The following ACAA2 variants were observed in gnomAD, a reference collection of about 807,000 sequenced individuals.
ACAA2 encodes the protein acetyl-CoA acyltransferase 2.
ACAA2 carries 35 observed loss-of-function variants against 44.8 expected under a neutral mutation model. The ratio of observed to expected loss-of-function variants is 0.78; its 90% CI spans 0.60 to 1.04. The LOEUF (loss-of-function observed/expected upper bound fraction) is 1.04, where lower values mean the gene tolerates loss of function less well. ACAA2 is among the 50% of genes least tolerant of loss of function. The probability of loss-of-function intolerance (pLI) is 0.00; values close to 1 mark genes in which losing one functional copy is unlikely to be tolerated. For synonymous variants in ACAA2, 142 were observed against 166.5 expected (o/e 0.85, Z 1.13); for missense variants, 468 against 482.6 (o/e 0.97, Z 0.28).
intron 1 of ACAA2, among the ~76,000 whole-genome samples, chr18:49,808,591 A>G (rs536572744): frequency 6.6e-6 from 1 of 152,330 alleles, no homozygotes; most frequent in South Asian, 2.1e-4. Flanking sequence ...CGGTAGGTCC[A>G]GGATGCCCAC....
chr18:49,803,219 C>T (rs916511099), intron 1 of ACAA2, among the ~76,000 whole-genome samples: 2 of 146,594 alleles, frequency 1.4e-5, no homozygotes, highest in South Asian at 4.4e-4. Flanking sequence ...CCTGGTGCCA[C>T]CACCCGGCCC....
At chr18:49,806,296 A>G (rs1162573602) in intron 1 of ACAA2, among the ~76,000 whole-genome samples, 1 of 152,226 alleles carries the variant, frequency 6.6e-6, no homozygotes, top group Non-Finnish European at 1.5e-5. Context: ...GAGGAGCACC[A>G]TAGAGCGAGA....
chr18:49,803,127 C>T (rs983158353), intron 1 of ACAA2, among the ~76,000 whole-genome samples: 1 of 151,870 alleles, frequency 6.6e-6, no homozygotes, highest in Non-Finnish European at 1.5e-5. Flanking sequence ...ACCCCGCCCC[C>T]CTTGCCTAGT....
intron 1 of ACAA2, among the ~76,000 whole-genome samples, chr18:49,803,353 T>C (rs1157574876): frequency 1.3e-5 from 2 of 152,062 alleles, no homozygotes; most frequent in South Asian, 2.1e-4. Context: ...ATTGCAAAAC[T>C]TTCTGCTCTG....
At chr18:49,803,961 A>G (rs2023585647) in intron 1 of ACAA2, among the ~76,000 whole-genome samples, 1 of 142,378 alleles carries the variant, frequency 7.0e-6, no homozygotes. Flanking sequence ...CCCAGGCTGG[A>G]GCGCAGTGGC....
At chr18:49,809,909 T>C (rs1383856749) in intron 1 of ACAA2, among the ~76,000 whole-genome samples, 1 of 152,206 alleles carries the variant, frequency 6.6e-6, no homozygotes, top group Non-Finnish European at 1.5e-5. Flanking sequence ...GCTCATCAAT[T>C]GTAACAAATG....
chr18:49,800,755 C>T (rs1450182341), intron 2 of ACAA2, among the ~76,000 whole-genome samples: 1 of 152,114 alleles, frequency 6.6e-6, no homozygotes, highest in African/African-American at 2.4e-5. Context: ...GGGACACAAA[C>T]ACTGCAGAAG....
chr18:49,802,914 C>A (rs547481320), intron 1 of ACAA2, 61 bp from the exon 2 acceptor site: 1 of 1,547,666 alleles, frequency 6.5e-7, no homozygotes, highest in East Asian at 2.2e-5. Flanking sequence ...CTAAATGCTT[C>A]GAATAATCTC....
chr18:49,791,732 A>G (rs1235283586), intron 6 of ACAA2, 133 bp from the exon 7 acceptor site: 2 of 850,328 alleles, frequency 2.4e-6, no homozygotes, highest in Non-Finnish European at 3.5e-6. Flanking sequence ...ATACAATTAG[A>G]AAAGTGGTAC....
chr18:49,797,606 A>T lies in ACAA2; in HGVS notation c.184-12T>A. On this transcript the variant is annotated splice_polypyrimidine_tract_variant and intron_variant, in intron 2 of 9. Transcript: ENST00000285093. Reference sequence around the variant, plus strand: ...GCATCTGAAGAACTCTAGAAGAGAGAAGGAAAAGAAAAATAATTTTCTCTA... The same window carrying T: ...GCATCTGAAGAACTCTAGAAGAGAGTAGGAAAAGAAAAATAATTTTCTCTA... 3 of 1,574,358 alleles carry T rather than the reference A, an allele frequency of 1.9e-6. No homozygotes were observed. Among genetic ancestry groups the T allele is most frequent in the Non-Finnish European group, 2.6e-6 (3 of 1,165,752 alleles).
intron 2 of ACAA2, 110 bp downstream of exon 2, chr18:49,802,577 A>AG: frequency 9.1e-7 from 1 of 1,095,032 alleles, no homozygotes; most frequent in Non-Finnish European, 1.2e-6. Context: ...AAAAAAAAAA[A>AG]GTCTATAACT....
chr18:49,787,396 G>A (rs2023345767), intron 7 of ACAA2, 35 bp from the exon 8 acceptor site: 3 of 1,286,138 alleles, frequency 2.3e-6, no homozygotes, highest in African/African-American at 1.6e-5. Context: ...TAAAAATATA[G>A]AAATAAATGT....
At chr18:49,807,386 A>G (rs761959750) in intron 1 of ACAA2, among the ~76,000 whole-genome samples, 2 of 151,700 alleles carry the variant, frequency 1.3e-5, no homozygotes, top group Non-Finnish European at 2.9e-5. Context: ...ACAGAAACAA[A>G]AACAAAGAGA....
At chr18:49,788,016 G>A (rs1270675398) in intron 7 of ACAA2, among the ~76,000 whole-genome samples, 2 of 152,188 alleles carry the variant, frequency 1.3e-5, no homozygotes, top group Non-Finnish European at 2.9e-5. Flanking sequence ...ATGAAGTAAG[G>A]TGATGTTTAC....
chr18:49,806,206 C>T (rs190526378), intron 1 of ACAA2, among the ~76,000 whole-genome samples: 9 of 152,318 alleles, frequency 5.9e-5, no homozygotes, highest in Non-Finnish European at 1.2e-4. Flanking sequence ...AACTCAGAAA[C>T]AGTCTTACTG....
chr18:49,802,581 T>G, intron 2 of ACAA2, 106 bp downstream of exon 2: 1 of 1,010,864 alleles, frequency 9.9e-7, no homozygotes, highest in South Asian at 2.1e-5. Context: ...AAAAAAAGTC[T>G]ATAACTATTA....
In ACAA2 at chr18:49,785,827, T is replaced by C. The variant is rs552118223; in HGVS notation, c.955-476A>G. On this transcript the variant is annotated intron_variant, in intron 8 of 9. Coordinates refer to ENST00000285093, the MANE Select transcript of ACAA2 (RefSeq NM_006111.3). The stretch of plus-strand genomic sequence containing the variant: ...AGTGTCCAGTGTGTTACCTGAAACA[T>C]GGCAAGTACTCAATAAGTGGTTGCA... 3.2e-5 allele frequency: 5 copies of C among 157,848 alleles called. No individual in the cohort carries two copies. The East Asian group carries it at 5.7e-4, about 18-fold the overall frequency. The allele number at this position is 157,848 out of a possible 1,614,324, so 9.8% of individuals were successfully genotyped here.
chr18:49,797,920 G>A (rs914116145), intron 2 of ACAA2, among the ~76,000 whole-genome samples: 2 of 151,938 alleles, frequency 1.3e-5, no homozygotes, highest in Admixed American at 6.6e-5. Flanking sequence ...ACAGTCAATT[G>A]GTTTTCAAAT....
chr18:49,792,653 G>A (rs1598794071), intron 5 of ACAA2, among the ~76,000 whole-genome samples: 1 of 152,134 alleles, frequency 6.6e-6, no homozygotes, highest in Non-Finnish European at 1.5e-5. Context: ...TCTCCATGTT[G>A]GCCATGCTAG....
Sources: gnomAD v4.1 joint callset for allele counts (sites outside exome capture counted in the v4.1 genomes callset) on GRCh38, gnomAD v4.1.1 for gene constraint, MANE v1.5 for transcripts, NCBI Gene and HGNC (gene_info 2026-07-23, HGNC 2026-07-21) for gene names.